Variants in AP3S1 observed in about 807,000 individuals in gnomAD.
AP3S1 encodes the protein adaptor related protein complex 3 subunit sigma 1.
Under a neutral mutation model 21.3 loss-of-function variants are expected in AP3S1, and 12 were observed. That is an observed-to-expected ratio of 0.56 (90% CI 0.36 to 0.91). The LOEUF (loss-of-function observed/expected upper bound fraction) is 0.91. Ranked by LOEUF, AP3S1 falls within the 40% of genes least tolerant of loss-of-function variation. The pLI is 0.01. For synonymous variants in AP3S1, 48 were observed against 78.4 expected (o/e 0.61, Z 2.05); for missense variants, 116 against 225.0 (o/e 0.52, Z 3.10).
At chr5:115,903,538 C>T (rs543872622) in intron 5 of AP3S1, 1 of 152,968 alleles carries the variant, frequency 6.5e-6, no homozygotes, top group East Asian at 1.9e-4. Context: ...TAAGATTTCA[C>T]TGACAAGTTA....
chr5:115,891,351 A>T (rs1467656457), intron 3 of AP3S1, among the ~76,000 whole-genome samples: 1 of 152,090 alleles, frequency 6.6e-6, no homozygotes, highest in African/African-American at 2.4e-5. Context: ...CCTGTAATTC[A>T]GTGCTGACAG....
chr5:115,847,709 G>T (rs143009774), intron 1 of AP3S1, among the ~76,000 whole-genome samples: 1 of 152,308 alleles, frequency 6.6e-6, no homozygotes, highest in East Asian at 1.9e-4. Context: ...TTTTGTATAT[G>T]TATATATTGT....
chr5:115,895,072 T>C lies in AP3S1; in HGVS notation c.274-15T>C. The C allele has an allele frequency of 6.4e-7, 1 of 1,573,992 alleles. No individual in the cohort carries two copies. The highest frequency in any genetic ancestry group is 8.7e-7 in the Non-Finnish European group (1 of 1,154,744). ...AATTTAAACAGTTCTTAAAACCTTTTTTCTTTTTCCATAGGTATTTGTGGA... is the reference window on the plus strand; with the variant it reads ...AATTTAAACAGTTCTTAAAACCTTTCTTCTTTTTCCATAGGTATTTGTGGA... On this transcript the variant is annotated splice_polypyrimidine_tract_variant and intron_variant, in intron 3 of 5. Coordinates refer to ENST00000316788, the MANE Select transcript of AP3S1 (RefSeq NM_001284.4).
intron 1 of AP3S1, among the ~76,000 whole-genome samples, chr5:115,864,166 C>T (rs1763423742): frequency 1.3e-5 from 2 of 152,108 alleles, no homozygotes; most frequent in African/African-American, 2.4e-5. Context: ...AATCCCTGAG[C>T]CTTGAAGGGA....
At chr5:115,863,792 A>T (rs913087992) in intron 1 of AP3S1, among the ~76,000 whole-genome samples, 3 of 152,204 alleles carry the variant, frequency 2.0e-5, no homozygotes, top group African/African-American at 7.2e-5. Flanking sequence ...AAGGTAAAGG[A>T]TCTAAAGCTG....
At chr5:115,868,895 G>C (rs1041133998) in intron 2 of AP3S1, among the ~76,000 whole-genome samples, 3 of 134,792 alleles carry the variant, frequency 2.2e-5, no homozygotes, top group African/African-American at 8.2e-5. Flanking sequence ...AAGAAAGAGA[G>C]AGAGAGAGAC....
intron 3 of AP3S1, among the ~76,000 whole-genome samples, chr5:115,891,454 G>A (rs1195014483): frequency 6.6e-6 from 1 of 152,186 alleles, no homozygotes; most frequent in Non-Finnish European, 1.5e-5. Context: ...GTTGTGACCT[G>A]TACTTTTGAT....
chr5:115,869,552 C>A (rs1748036624), intron 2 of AP3S1, among the ~76,000 whole-genome samples: 2 of 152,162 alleles, frequency 1.3e-5, no homozygotes, highest in South Asian at 4.1e-4. Flanking sequence ...CTACCTTAGC[C>A]TGAAATGCTC....
intron 5 of AP3S1, among the ~76,000 whole-genome samples, chr5:115,909,305 A>G (rs1751911854): frequency 6.6e-6 from 1 of 152,172 alleles, no homozygotes; most frequent in Admixed American, 6.5e-5. Flanking sequence ...GGGTCTGGCA[A>G]TTTAAAAACA....
At chr5:115,884,070 A>G (rs1749549488) in intron 3 of AP3S1, among the ~76,000 whole-genome samples, 1 of 152,196 alleles carries the variant, frequency 6.6e-6, no homozygotes, top group Non-Finnish European at 1.5e-5. Context: ...ATTCATGTTT[A>G]TAGAAACCAT....
intron 4 of AP3S1, among the ~76,000 whole-genome samples, chr5:115,900,398 C>G (rs1751109852): frequency 6.6e-6 from 1 of 152,176 alleles, no homozygotes; most frequent in Non-Finnish European, 1.5e-5. Context: ...ATTATCTTTG[C>G]TAGTTCATTT....
chr5:115,863,655 A>C lies in AP3S1; in HGVS notation c.70-3015A>C, dbSNP rs542398365. Among the ~76,000 whole-genome samples the C allele has an allele frequency of 2.0e-5, 3 of 152,326 alleles. No homozygotes were observed. In the South Asian group the frequency reaches 6.2e-4, roughly 32 times the overall value. ...GAGAAAACTTTGCACCTTTTGCAAA[A>C]TCCCTTTTTACGTCGTATTGAAAAT... On this transcript the variant is annotated intron_variant, in intron 1 of 5. Coordinates refer to ENST00000316788, the MANE Select transcript of AP3S1 (RefSeq NM_001284.4).
intron 1 of AP3S1, among the ~76,000 whole-genome samples, chr5:115,847,681 T>A (rs1287936282): frequency 6.6e-6 from 1 of 152,230 alleles, no homozygotes; most frequent in African/African-American, 2.4e-5. Flanking sequence ...TTACATATAT[T>A]TACCGTGTAC....
chr5:115,889,035 C>T (rs1750042967), intron 3 of AP3S1, among the ~76,000 whole-genome samples: 1 of 152,128 alleles, frequency 6.6e-6, no homozygotes, highest in African/African-American at 2.4e-5. Flanking sequence ...AGCATGTATC[C>T]TCAACACAGT....
chr5:115,852,103 G>A lies in AP3S1; in HGVS notation c.69+9997G>A, dbSNP rs564814377. Among the ~76,000 whole-genome samples the A allele has an allele frequency of 2.5e-3, 382 of 152,190 alleles. 3 individuals carry two copies. Among genetic ancestry groups the A allele is most frequent in the African/African-American group, 8.7e-3 (361 of 41,534 alleles). ...TTTCTACTTCTAAGTGGAAGATCAT[G>A]TAGTCAGTCATAGGACTATAGAACA... is the stretch of plus-strand genomic sequence containing the variant. On this transcript the variant is annotated intron_variant, in intron 1 of 5. Transcript: ENST00000316788.
chr5:115,861,860 C>T (rs942685924), intron 1 of AP3S1, among the ~76,000 whole-genome samples: 27 of 120,090 alleles, frequency 2.2e-4, no homozygotes, highest in African/African-American at 3.0e-4. Context: ...ATTTTCTTTT[C>T]TTTTCTTTTT....
At chr5:115,889,244 A>G (rs1750065682) in intron 3 of AP3S1, among the ~76,000 whole-genome samples, 1 of 152,200 alleles carries the variant, frequency 6.6e-6, no homozygotes, top group East Asian at 1.9e-4. Context: ...TGGTCTTCTC[A>G]TGGTTAAAAA....
At chr5:115,879,512 G>A (rs183610340) in intron 3 of AP3S1, among the ~76,000 whole-genome samples, 47 of 152,212 alleles carry the variant, frequency 3.1e-4, no homozygotes, top group South Asian at 4.1e-4. Context: ...ATTGATTTGC[G>A]TATGTTAAAC....
At chr5:115,842,883 T>C (rs963234855) in intron 1 of AP3S1, among the ~76,000 whole-genome samples, 2 of 152,244 alleles carry the variant, frequency 1.3e-5, no homozygotes, top group Admixed American at 6.5e-5. Context: ...TACCTAAAAG[T>C]TATGATTTCA....
Sources: allele counts gnomAD v4.1 joint callset (sites outside exome capture counted in the v4.1 genomes callset), GRCh38; gene constraint gnomAD v4.1.1; transcripts MANE v1.5; gene names NCBI Gene and HGNC (gene_info 2026-07-23, HGNC 2026-07-21).